Variants in F3 observed in about 807,000 individuals in gnomAD.
F3 encodes the protein tissue factor.
F3 carries 18 observed loss-of-function variants against 33.5 expected under a neutral mutation model. That is an observed-to-expected ratio of 0.54 (90% CI 0.37 to 0.80). F3 has a LOEUF of 0.80. Among genes scored for constraint, F3 ranks in the 30% least tolerant of loss-of-function variants. The pLI is 0.00. For missense variants in F3, 353 were observed against 362.1 expected (o/e 0.97, Z 0.20); for synonymous variants, 147 against 140.7 (o/e 1.05, Z -0.32).
Position 94,529,874 on chromosome 1 carries a change from G to A in F3, c.*586C>T, listed in dbSNP as rs182991648. On this transcript the variant is annotated 3_prime_UTR_variant, in exon 6 of 6. Coordinates refer to ENST00000334047, the MANE Select transcript of F3 (RefSeq NM_001993.5). ...GGATCACCTGAGGTCAGGAATTCAA[G>A]ACCAGCCTGGCCAAGATGGTGAAAC... 1 of 152,246 alleles carries A rather than the reference G, an allele frequency of 6.6e-6. No individual in the cohort carries two copies. Among genetic ancestry groups the A allele is most frequent in the East Asian group, 1.9e-4 (1 of 5,170 alleles). 9.4% of individuals were successfully genotyped at this position (152,246 alleles called of 1,614,324 possible). A position where few individuals can be genotyped will look rare whatever the true frequency, so the allele number is the denominator to read the frequency against.
At chr1:94,534,767 G>A (rs3917617) in intron 3 of F3, among the ~76,000 whole-genome samples, 1,675 of 152,202 alleles carry the variant, frequency 0.011, 36 homozygotes, top group African/African-American at 0.039. Flanking sequence ...AAATATGTGT[G>A]TGCACATGCA....
chr1:94,534,987 C>T (rs1027897961), intron 3 of F3, among the ~76,000 whole-genome samples: 12 of 151,946 alleles, frequency 7.9e-5, no homozygotes, highest in African/African-American at 2.7e-4. Flanking sequence ...AGCAGAAGCA[C>T]CTGGGGGTCT....
chr1:94,535,374 G>A (rs566954074), intron 3 of F3, among the ~76,000 whole-genome samples: 4 of 152,256 alleles, frequency 2.6e-5, no homozygotes, highest in South Asian at 2.1e-4. Flanking sequence ...GGCTGAGGAG[G>A]AAAGTATTCC....
chr1:94,532,535 T>C, intron 4 of F3, 55 bp from the exon 5 acceptor site: 1 of 1,585,112 alleles, frequency 6.3e-7, no homozygotes, highest in Non-Finnish European at 8.6e-7. Flanking sequence ...TTCTTTCCCC[T>C]TTATTAAGTC....
At chr1:94,533,701 C>G (rs183332488) in intron 3 of F3, among the ~76,000 whole-genome samples, 1 of 152,082 alleles carries the variant, frequency 6.6e-6, no homozygotes, top group Non-Finnish European at 1.5e-5. Flanking sequence ...GTGGCCCCTG[C>G]TCTTCCTCCT....
chr1:94,540,113 G>A (rs1651728932), intron 2 of F3, 144 bp downstream of exon 2: 2 of 655,424 alleles, frequency 3.1e-6, no homozygotes, highest in African/African-American at 1.8e-5. Context: ...GTATGACACC[G>A]GCCAGCGAAT....
chr1:94,538,824 C>T (rs1229665770), intron 2 of F3, among the ~76,000 whole-genome samples: 1 of 152,154 alleles, frequency 6.6e-6, no homozygotes, highest in African/African-American at 2.4e-5. Flanking sequence ...CCAGGCCCTC[C>T]AGTACAGCAG....
Position 94,530,322 on chromosome 1 carries a change from G to A in F3, c.*138C>T. ...AACCAGAATGCTAATGGTAATAACAGGTCATATCAAGAGTTTTTTGAACTC... is the reference window on the plus strand; with the variant it reads ...AACCAGAATGCTAATGGTAATAACAAGTCATATCAAGAGTTTTTTGAACTC... On this transcript the variant is annotated 3_prime_UTR_variant, in exon 6 of 6. Transcript: ENST00000334047. 1 of 1,009,560 alleles carries A rather than the reference G, an allele frequency of 9.9e-7. No individual in the cohort carries two copies. Among genetic ancestry groups the A allele is most frequent in the South Asian group, 1.6e-5 (1 of 61,622 alleles). 62.5% of individuals were successfully genotyped at this position (1,009,560 alleles called of 1,614,324 possible).
chr1:94,538,827 T>A lies in F3; in HGVS notation c.212+1430A>T, dbSNP rs530680187. Among the ~76,000 whole-genome samples the A allele has an allele frequency of 2.6e-5, 4 of 152,170 alleles. No homozygotes were observed. The East Asian group carries it at 7.7e-4, about 29-fold the overall frequency. ...ATGGAAAAGCTCCCAGGCCCTCCAG[T>A]ACAGCAGCAAGAGATTGTTCAGTCC... On this transcript the variant is annotated intron_variant, in intron 2 of 5. Transcript: ENST00000334047.
chr1:94,536,474 AG>A (rs1378804954), intron 2 of F3, among the ~76,000 whole-genome samples: 1 of 152,196 alleles, frequency 6.6e-6, no homozygotes, highest in Non-Finnish European at 1.5e-5. Flanking sequence ...ATAGCAACCC[AG>A]GGGATGGCTC....
chr1:94,532,746 G>C (rs928513907), intron 4 of F3, among the ~76,000 whole-genome samples: 2 of 152,218 alleles, frequency 1.3e-5, no homozygotes, highest in Admixed American at 6.5e-5. Flanking sequence ...GAAAAAGGAA[G>C]GGAGTATTAT....
chr1:94,535,855 GA>G, intron 3 of F3, 109 bp downstream of exon 3: 4 of 1,049,902 alleles, frequency 3.8e-6, no homozygotes, highest in Non-Finnish European at 2.8e-6. Context: ...CAGTTTCTGA[GA>G]AAAAAAGAAT....
chr1:94,534,681 C>T (rs1426049375), intron 3 of F3, among the ~76,000 whole-genome samples: 2 of 152,082 alleles, frequency 1.3e-5, no homozygotes, highest in East Asian at 1.9e-4. Flanking sequence ...GATTTAACCA[C>T]GGGGTCTCTG....
chr1:94,540,723 AG>A, intron 1 of F3: 1 of 200,272 alleles, frequency 5.0e-6, no homozygotes, highest in South Asian at 1.1e-4. Context: ...TCAGCCCGCC[AG>A]GAAGGGTTTT....
chr1:94,533,279 G>T lies in F3; in HGVS notation c.413-11C>A, dbSNP rs967997721. The T allele has an allele frequency of 1.2e-6, 2 of 1,605,378 alleles. No homozygotes were observed. Among genetic ancestry groups the T allele is most frequent in the East Asian group, 4.5e-5 (2 of 44,810 alleles). On this transcript the variant is annotated splice_polypyrimidine_tract_variant and intron_variant, in intron 3 of 5. Coordinates refer to ENST00000334047, the MANE Select transcript of F3 (RefSeq NM_001993.5). ...GCTGTCCGAGGTTTGCTGAAACAAA[G>T]GAAATGAGCTTGGTTGGAACCAAAG...
chr1:94,541,397 G>T (rs1173589092), intron 1 of F3, 140 bp downstream of exon 1: 2 of 639,836 alleles, frequency 3.1e-6, no homozygotes, highest in Non-Finnish European at 4.7e-6. Flanking sequence ...GCCGGGCTGG[G>T]TGAGCGCAGC....
Position 94,533,076 on chromosome 1 carries a change from T to A in F3, c.591+14A>T, listed in dbSNP as rs747184042. ...TTTAAAACAGGTCATAAAAACAAAT[T>A]AAAAAATGCTCACCTTTCCTGAACT... is the stretch of plus-strand genomic sequence containing the variant. On this transcript the variant is annotated intron_variant, in intron 4 of 5. Transcript: ENST00000334047. 5.0e-6 allele frequency: 8 copies of A among 1,605,892 alleles called. No individual in the cohort carries two copies. In the African/African-American group the frequency reaches 9.4e-5, roughly 19 times the overall value.
chr1:94,533,004 T>C (rs1651476774), intron 4 of F3, 86 bp downstream of exon 4: 1 of 1,370,544 alleles, frequency 7.3e-7, no homozygotes, highest in African/African-American at 1.5e-5. Flanking sequence ...TGTTCTGCTA[T>C]TTTTGAATTG....
At chr1:94,534,503 G>T (rs1651536246) in intron 3 of F3, among the ~76,000 whole-genome samples, 1 of 152,152 alleles carries the variant, frequency 6.6e-6, no homozygotes, top group Admixed American at 6.5e-5. Context: ...ATTCCAGTGT[G>T]TACTTTATAC....
Sources: gnomAD v4.1 joint callset for allele counts (sites outside exome capture counted in the v4.1 genomes callset) on GRCh38, gnomAD v4.1.1 for gene constraint, MANE v1.5 for transcripts, NCBI Gene and HGNC (gene_info 2026-07-23, HGNC 2026-07-21) for gene names.